The following NFIB variants were observed in gnomAD, a reference collection of about 807,000 sequenced individuals.
NFIB encodes nuclear factor I B, also known as nuclear factor 1 B-type.
In NFIB, 11 loss-of-function variants were observed where a neutral mutation model predicts 61.5. The ratio of observed to expected loss-of-function variants is 0.18; its 90% CI spans 0.11 to 0.30. The LOEUF (loss-of-function observed/expected upper bound fraction) is 0.30. NFIB is among the 10% of genes least tolerant of loss of function. The pLI is 1.00. For missense variants in NFIB, 471 were observed against 608.9 expected (o/e 0.77, Z 2.38); for synonymous variants, 260 against 216.5 (o/e 1.20, Z -1.76).
chr9:14,191,248 AG>A (rs2047918678), intron 2 of NFIB, among the ~76,000 whole-genome samples: 1 of 152,170 alleles, frequency 6.6e-6, no homozygotes, highest in Non-Finnish European at 1.5e-5. Context: ...GGATCATCTG[AG>A]CCCTGGAGGT....
chr9:14,418,177 T>G, the NFIB span, among the ~76,000 whole-genome samples: 3 of 152,176 alleles, frequency 2.0e-5, no homozygotes, highest in Non-Finnish European at 4.4e-5. Flanking sequence ...TATCAGAACT[T>G]CAATTTCTTT....
At chr9:14,114,862 T>G (rs1339910762) in intron 9 of NFIB, among the ~76,000 whole-genome samples, 2 of 152,258 alleles carry the variant, frequency 1.3e-5, no homozygotes, top group East Asian at 1.9e-4. Context: ...TGCTTTTATT[T>G]AAATTGCTGA....
At chr9:14,199,776 AT>A (rs143726750) in intron 2 of NFIB, among the ~76,000 whole-genome samples, 31 of 149,796 alleles carry the variant, frequency 2.1e-4, no homozygotes, top group Middle Eastern at 6.9e-3. Flanking sequence ...TCCAGGATCC[AT>A]TTTTTTTTTA....
chr9:14,348,884 C>A (rs187334114), intron 1 of NFIB, among the ~76,000 whole-genome samples: 3 of 152,340 alleles, frequency 2.0e-5, no homozygotes, highest in Non-Finnish European at 4.4e-5. Context: ...GAAGCTTGCG[C>A]CTTCATGCGT....
intron 1 of NFIB, among the ~76,000 whole-genome samples, chr9:14,336,249 A>G (rs2060884823): frequency 6.6e-6 from 1 of 152,224 alleles, no homozygotes; most frequent in Admixed American, 6.5e-5. Context: ...GCACCTGTGG[A>G]TTTTAATTCC....
intron 6 of NFIB, among the ~76,000 whole-genome samples, chr9:14,142,331 G>A (rs2041825774): frequency 6.6e-6 from 1 of 152,064 alleles, no homozygotes; most frequent in Admixed American, 6.6e-5. Context: ...CTCTCTCTTT[G>A]CCTGCCACCA....
intron 1 of NFIB, among the ~76,000 whole-genome samples, chr9:14,312,053 TG>T: frequency 6.6e-6 from 1 of 152,378 alleles, no homozygotes; most frequent in Non-Finnish European, 1.5e-5. Flanking sequence ...TTTCCAGTTT[TG>T]TTAAATTAAA....
chr9:14,100,076 TAAAAAACA>T (rs1042538174), intron 10 of NFIB, among the ~76,000 whole-genome samples: 1 of 151,452 alleles, frequency 6.6e-6, no homozygotes, highest in East Asian at 2.0e-4. Context: ...ATCTAAAAAA[TAAAAAACA>T]AAAAAACAAA....
At chr9:14,454,296 G>A in the NFIB span, among the ~76,000 whole-genome samples, 2 of 152,198 alleles carry the variant, frequency 1.3e-5, no homozygotes, top group African/African-American at 4.8e-5. Flanking sequence ...GTGGAACAGT[G>A]AGCCTCTGAG....
chr9:14,456,255 G>C, the NFIB span, among the ~76,000 whole-genome samples: 1 of 150,732 alleles, frequency 6.6e-6, no homozygotes, highest in Non-Finnish European at 1.5e-5. Flanking sequence ...ATATCACTTG[G>C]CTTTTAAAAA....
chr9:14,400,050 C>G (rs139458979), upstream of NFIB, among the ~76,000 whole-genome samples: 1,172 of 152,004 alleles, frequency 7.7e-3, 22 homozygotes, highest in African/African-American at 0.027. Context: ...TTTTTCTTCA[C>G]TAGTAAGTCC....
intron 6 of NFIB, among the ~76,000 whole-genome samples, chr9:14,127,912 C>G (rs2039882621): frequency 1.4e-5 from 2 of 145,682 alleles, no homozygotes; most frequent in African/African-American, 5.1e-5. Flanking sequence ...AGTCAGAGAA[C>G]CATTTCTGTA....
intron 2 of NFIB, among the ~76,000 whole-genome samples, chr9:14,278,523 G>A (rs960022052): frequency 5.3e-5 from 8 of 152,192 alleles, no homozygotes; most frequent in Non-Finnish European, 7.4e-5. Flanking sequence ...TATCCCCTCA[G>A]GCTGCCTCAA....
chr9:14,118,768 C>CTTTTT (rs35334290), intron 8 of NFIB, among the ~76,000 whole-genome samples: 2 of 129,036 alleles, frequency 1.5e-5, no homozygotes, highest in Non-Finnish European at 3.4e-5. Flanking sequence ...TTTTCTTTTT[C>CTTTTT]TTTTTTTTTT....
chr9:14,276,428 T>C (rs1008415878), intron 2 of NFIB, among the ~76,000 whole-genome samples: 3 of 152,122 alleles, frequency 2.0e-5, no homozygotes, highest in Non-Finnish European at 2.9e-5. Flanking sequence ...ATAATCTACA[T>C]AGAATGACCT....
intron 1 of NFIB, among the ~76,000 whole-genome samples, chr9:14,388,748 T>G (rs1341337691): frequency 3.9e-5 from 6 of 152,200 alleles, no homozygotes; most frequent in Non-Finnish European, 7.3e-5. Context: ...TCTGTGACAT[T>G]GTATTTCTTA....
intron 2 of NFIB, among the ~76,000 whole-genome samples, chr9:14,269,115 T>C (rs1313306790): frequency 6.6e-6 from 1 of 152,022 alleles, no homozygotes; most frequent in Non-Finnish European, 1.5e-5. Context: ...TGTTACGAGG[T>C]CCTCTACTAT....
At chr9:14,159,782 T>C (rs1041990098) in intron 3 of NFIB, among the ~76,000 whole-genome samples, 6 of 152,200 alleles carry the variant, frequency 3.9e-5, no homozygotes, top group Non-Finnish European at 8.8e-5. Context: ...GGTCCTGCAG[T>C]AGGATAGGGG....
intron 2 of NFIB, among the ~76,000 whole-genome samples, chr9:14,197,771 C>G (rs957380761): frequency 6.6e-6 from 1 of 152,070 alleles, no homozygotes; most frequent in Non-Finnish European, 1.5e-5. Context: ...AGCGCTTTAG[C>G]AAATTTTGGA....
Sources: allele counts gnomAD v4.1 joint callset (sites outside exome capture counted in the v4.1 genomes callset), GRCh38; gene constraint gnomAD v4.1.1; transcripts MANE v1.5; gene names NCBI Gene and HGNC (gene_info 2026-07-23, HGNC 2026-07-21).